ME3: variants seen among roughly 807,000 people sequenced by gnomAD.
ME3 encodes NADP-dependent malic enzyme, mitochondrial.
Under a neutral mutation model 68.9 loss-of-function variants are expected in ME3, and 48 were observed. The ratio of observed to expected loss-of-function variants is 0.70; its 90% CI spans 0.55 to 0.89. The LOEUF is 0.89. Ranked by LOEUF, ME3 falls within the 40% of genes least tolerant of loss-of-function variation. The probability of loss-of-function intolerance (pLI) is 0.00; values close to 1 mark genes in which losing one functional copy is unlikely to be tolerated. For synonymous variants in ME3, 320 were observed against 318.8 expected (o/e 1.00, Z -0.04); for missense variants, 675 against 797.4 (o/e 0.85, Z 1.85).
chr11:86,561,577 C>T (rs1419986349), intron 2 of ME3, among the ~76,000 whole-genome samples: 1 of 152,118 alleles, frequency 6.6e-6, no homozygotes, highest in Non-Finnish European at 1.5e-5. Context: ...TCATTTTAGC[C>T]CCATCACCTT....
chr11:86,505,260 G>A (rs73525733), intron 5 of ME3, among the ~76,000 whole-genome samples: 6 of 150,468 alleles, frequency 4.0e-5, no homozygotes, highest in African/African-American at 1.0e-4. Flanking sequence ...ACCTAGGGGT[G>A]GGGGGGGAGG....
intron 13 of ME3, among the ~76,000 whole-genome samples, chr11:86,444,888 A>G (rs1949196643): frequency 6.6e-6 from 1 of 152,128 alleles, no homozygotes; most frequent in African/African-American, 2.4e-5. Context: ...CCTATAGGGG[A>G]GGGACCTTAT....
chr11:86,460,994 T>C (rs1950198921), intron 8 of ME3, among the ~76,000 whole-genome samples: 1 of 152,062 alleles, frequency 6.6e-6, no homozygotes, highest in Admixed American at 6.5e-5. Context: ...CTGCATTCTG[T>C]AGGAGTTAGA....
intron 4 of ME3, among the ~76,000 whole-genome samples, chr11:86,514,695 C>T (rs549515889): frequency 2.6e-5 from 4 of 152,292 alleles, no homozygotes; most frequent in Non-Finnish European, 4.4e-5. Flanking sequence ...AGCTTCAGTT[C>T]CTCATGTGTA....
intron 2 of ME3, among the ~76,000 whole-genome samples, chr11:86,610,254 T>C (rs1942463393): frequency 6.6e-6 from 1 of 152,150 alleles, no homozygotes; most frequent in Non-Finnish European, 1.5e-5. Context: ...TAATGTTTCA[T>C]TTAAAAAACT....
chr11:86,638,123 T>C (rs928406115), intron 2 of ME3, among the ~76,000 whole-genome samples: 1 of 150,028 alleles, frequency 6.7e-6, no homozygotes, highest in African/African-American at 2.5e-5. Context: ...GTCTTAGAAA[T>C]GGTGTACCTC....
At chr11:86,633,615 GAGGA>G (rs1565243688) in intron 2 of ME3, among the ~76,000 whole-genome samples, 1 of 152,222 alleles carries the variant, frequency 6.6e-6, no homozygotes, top group Non-Finnish European at 1.5e-5. Context: ...TTGTGAGGGA[GAGGA>G]AGGTACTCTC....
At chr11:86,647,836 TAGAC>T (rs1169339955) in intron 2 of ME3, among the ~76,000 whole-genome samples, 1 of 152,114 alleles carries the variant, frequency 6.6e-6, no homozygotes, top group African/African-American at 2.4e-5. Flanking sequence ...CTGTCAATAT[TAGAC>T]AGATCAACGA....
intron 2 of ME3, chr11:86,667,870 G>A (rs1009712428): frequency 1.2e-4 from 19 of 152,118 alleles, no homozygotes; most frequent in African/African-American, 4.3e-4. Flanking sequence ...GCTGATAGTT[G>A]CCTATTTAAT....
At chr11:86,663,578 G>A (rs1339601387) in intron 2 of ME3, among the ~76,000 whole-genome samples, 6 of 152,156 alleles carry the variant, frequency 3.9e-5, no homozygotes, top group Admixed American at 1.3e-4. Flanking sequence ...GAAACTGACT[G>A]TAATCCATGT....
At chr11:86,465,296 T>C in intron 7 of ME3, 96 bp from the exon 8 acceptor site, 2 of 775,094 alleles carry the variant, frequency 2.6e-6, no homozygotes, top group Non-Finnish European at 4.5e-6. Flanking sequence ...GGTGCAGGCC[T>C]GGGGGTGGGA....
intron 2 of ME3, among the ~76,000 whole-genome samples, chr11:86,605,803 A>AG (rs36071853): frequency 1 from 151,607 of 152,164 alleles, 75,534 homozygotes; most frequent in Middle Eastern, 1. Context: ...TCAGAGGGGG[A>AG]GGGTTAGAGC....
chr11:86,637,967 TAC>T (rs5793205), intron 2 of ME3, among the ~76,000 whole-genome samples: 45,764 of 144,848 alleles, frequency 0.32, 7,807 homozygotes, highest in Non-Finnish European at 0.39. Context: ...TGCTCATGCA[TAC>T]ACACACACAC....
intron 2 of ME3, among the ~76,000 whole-genome samples, chr11:86,593,946 G>T (rs1427379830): frequency 6.8e-6 from 1 of 146,218 alleles, no homozygotes; most frequent in Non-Finnish European, 1.5e-5. Context: ...TTTTGTTTCT[G>T]ATTTTTCTTC....
In ME3 at chr11:86,449,954, C is replaced by T. The variant is rs989464220; in HGVS notation, c.1066G>A (p.Gly356Ser). ...CTTGTGGCCTCTGCCTTCGGTACAC[C>T]TTCTTTCTCTAGGGCCATGACAAGG... Residue 356 changes from glycine to serine, a missense_variant, in exon 10 of 15, where the codon GGT becomes AGT. Gly to Ser is a moderately conservative substitution (Grantham distance 56, BLOSUM62 0). Coordinates refer to ENST00000543262, the Ensembl canonical transcript of ME3. The T allele has an allele frequency of 6.4e-5, 104 of 1,613,968 alleles. No individual in the cohort carries two copies. Among genetic ancestry groups the T allele is most frequent in the Non-Finnish European group, 8.5e-5 (100 of 1,179,992 alleles).
intron 4 of ME3, among the ~76,000 whole-genome samples, chr11:86,528,374 CA>C (rs1210022921): frequency 3.3e-5 from 5 of 152,180 alleles, no homozygotes; most frequent in Admixed American, 6.5e-5. Context: ...TAGAGACCTA[CA>C]AAGAGACTTA....
chr11:86,563,269 T>C (rs1180271230), intron 2 of ME3, among the ~76,000 whole-genome samples: 2 of 152,182 alleles, frequency 1.3e-5, no homozygotes, highest in African/African-American at 4.8e-5. Flanking sequence ...GCTGGACTAA[T>C]TTACATTACA....
intron 2 of ME3, among the ~76,000 whole-genome samples, chr11:86,651,404 G>A (rs185359058): frequency 2.6e-5 from 4 of 152,208 alleles, no homozygotes; most frequent in East Asian, 1.9e-4. Context: ...AACTTCCAGA[G>A]GAACGATCAG....
In ME3 at chr11:86,447,220, G is replaced by C. The variant is rs1000375970; in HGVS notation, c.1238-13C>G. ...ATGGCAGCAACACCTACAGGGAAAA[G>C]GCGGGTAGTGGGGATGCCTGCTCTC... is the stretch of plus-strand genomic sequence containing the variant. On this transcript the variant is annotated splice_polypyrimidine_tract_variant and intron_variant, in intron 11 of 14. Transcript: ENST00000543262. 1.2e-6 allele frequency: 2 copies of C among 1,613,252 alleles called. No individual in the cohort carries two copies. Among genetic ancestry groups the C allele is most frequent in the African/African-American group, 2.7e-5 (2 of 75,040 alleles).
Sources: allele counts gnomAD v4.1 joint callset (sites outside exome capture counted in the v4.1 genomes callset), GRCh38; gene constraint gnomAD v4.1.1; transcripts MANE v1.5; gene names NCBI Gene and HGNC (gene_info 2026-07-23, HGNC 2026-07-21).